PLEKHA5: variants seen among roughly 807,000 people sequenced by gnomAD.
PLEKHA5 encodes pleckstrin homology domain-containing family A member 5.
Under a neutral mutation model 181.9 loss-of-function variants are expected in PLEKHA5, and 55 were observed. That is an observed-to-expected ratio of 0.30 (90% confidence interval 0.24 to 0.38). The LOEUF (loss-of-function observed/expected upper bound fraction) is 0.38. Among genes scored for constraint, PLEKHA5 ranks in the 10% least tolerant of loss-of-function variants. The pLI is 1.00. For synonymous variants in PLEKHA5, 535 were observed against 529.4 expected, an observed-to-expected ratio of 1.01 and a Z score of -0.15; for missense variants, 1,432 against 1,549.5, an observed-to-expected ratio of 0.92 and a Z score of 1.27.
intron 3 of PLEKHA5, among the ~76,000 whole-genome samples, chr12:19,139,064 G>A (rs914303260): frequency 1.3e-5 from 2 of 151,536 alleles, no homozygotes; most frequent in Non-Finnish European, 2.9e-5. Flanking sequence ...CCATAATTGG[G>A]TAGTTACTTG....
intron 3 of PLEKHA5, among the ~76,000 whole-genome samples, chr12:19,242,097 A>G (rs1174460607): frequency 1.3e-5 from 2 of 152,338 alleles, no homozygotes; most frequent in South Asian, 2.1e-4. Context: ...TCTAAAATGT[A>G]ACTCTGCTGT....
At chr12:19,241,478 G>A (rs535456655) in intron 3 of PLEKHA5, among the ~76,000 whole-genome samples, 11 of 152,254 alleles carry the variant, frequency 7.2e-5, no homozygotes, top group Non-Finnish European at 1.6e-4. Context: ...AAAAATAGCT[G>A]GGTGTGATAG....
At chr12:19,190,294 T>C (rs1380701375) in intron 3 of PLEKHA5, among the ~76,000 whole-genome samples, 2 of 152,242 alleles carry the variant, frequency 1.3e-5, no homozygotes, top group Admixed American at 6.5e-5. Context: ...CTTGAAGCAT[T>C]GCAAACAAGT....
intron 3 of PLEKHA5, among the ~76,000 whole-genome samples, chr12:19,222,906 T>C (rs1182855138): frequency 6.6e-6 from 1 of 152,042 alleles, no homozygotes; most frequent in Admixed American, 6.6e-5. Flanking sequence ...ATTTTTGCAG[T>C]GAATCAGCTC....
At chr12:19,284,105 G>C (rs182582929) in intron 12 of PLEKHA5, among the ~76,000 whole-genome samples, 16 of 152,088 alleles carry the variant, frequency 1.1e-4, no homozygotes, top group Non-Finnish European at 2.2e-4. Flanking sequence ...GTCTCTCTCT[G>C]TTGCCCAGGC....
intron 3 of PLEKHA5, among the ~76,000 whole-genome samples, chr12:19,245,272 A>G (rs1264447491): frequency 3.3e-5 from 5 of 152,196 alleles, no homozygotes; most frequent in Non-Finnish European, 5.9e-5. Flanking sequence ...TTTCTTAGCT[A>G]ATAGCCTCTT....
intron 11 of PLEKHA5, among the ~76,000 whole-genome samples, chr12:19,276,578 C>T (rs551285754): frequency 6.6e-6 from 1 of 152,226 alleles, no homozygotes; most frequent in African/African-American, 2.4e-5. Flanking sequence ...GTAATCTCAG[C>T]TACTGGGGAG....
At chr12:19,367,521 C>T (rs1244200657) in intron 30 of PLEKHA5, among the ~76,000 whole-genome samples, 2 of 151,822 alleles carry the variant, frequency 1.3e-5, no homozygotes, top group Non-Finnish European at 2.9e-5. Flanking sequence ...TCCCAAAGTG[C>T]TAGGATTACA....
intron 3 of PLEKHA5, among the ~76,000 whole-genome samples, chr12:19,164,192 T>G (rs1462562253): frequency 2.8e-5 from 3 of 108,970 alleles, no homozygotes; most frequent in African/African-American, 9.9e-5. Flanking sequence ...TCTCCAGATG[T>G]TTTTGTTTTT....
chr12:19,220,973 A>G (rs1592110851), intron 3 of PLEKHA5, among the ~76,000 whole-genome samples: 1 of 152,190 alleles, frequency 6.6e-6, no homozygotes, highest in South Asian at 2.1e-4. Context: ...CTACACACCC[A>G]TTAAAATGGC....
At chr12:19,140,034 C>A (rs894402679) in intron 3 of PLEKHA5, among the ~76,000 whole-genome samples, 1 of 152,146 alleles carries the variant, frequency 6.6e-6, no homozygotes, top group African/African-American at 2.4e-5. Context: ...GCAAGGTCTT[C>A]CAATTAGTCA....
At chr12:19,163,160 G>T (rs1392137905) in intron 3 of PLEKHA5, among the ~76,000 whole-genome samples, 1 of 151,398 alleles carries the variant, frequency 6.6e-6, no homozygotes, top group Non-Finnish European at 1.5e-5. Flanking sequence ...AGTTAACCAG[G>T]ATCCAGAATT....
chr12:19,268,947 A>G (rs1441955048), intron 8 of PLEKHA5, among the ~76,000 whole-genome samples: 2 of 152,082 alleles, frequency 1.3e-5, no homozygotes, highest in Non-Finnish European at 2.9e-5. Context: ...GTAGATACCT[A>G]TAAAGGATTC....
chr12:19,287,415 C>A, intron 12 of PLEKHA5, 58 bp from the exon 13 acceptor site: 2 of 923,502 alleles, frequency 2.2e-6, no homozygotes, highest in Non-Finnish European at 3.5e-6. Flanking sequence ...TCCTTGCTGA[C>A]ATTGATAAGA....
intron 3 of PLEKHA5, among the ~76,000 whole-genome samples, chr12:19,204,268 A>T (rs2054871114): frequency 6.6e-6 from 1 of 152,072 alleles, no homozygotes; most frequent in African/African-American, 2.4e-5. Flanking sequence ...GGTACATTTA[A>T]AGATGGGTCA....
At chr12:19,325,025 A>G (rs2091763848) in intron 20 of PLEKHA5, among the ~76,000 whole-genome samples, 1 of 152,244 alleles carries the variant, frequency 6.6e-6, no homozygotes, top group Non-Finnish European at 1.5e-5. Context: ...AAATCTCATC[A>G]GTAGGTTTAG....
At chr12:19,177,444 A>G (rs1198007478) in intron 3 of PLEKHA5, among the ~76,000 whole-genome samples, 1 of 152,164 alleles carries the variant, frequency 6.6e-6, no homozygotes, top group East Asian at 1.9e-4. Context: ...ATTTCATTTG[A>G]TAGATAGGGA....
intron 22 of PLEKHA5, among the ~76,000 whole-genome samples, chr12:19,343,921 G>A (rs907247675): frequency 9.9e-5 from 15 of 151,944 alleles, no homozygotes; most frequent in Non-Finnish European, 2.1e-4. Context: ...GCATGGTGGC[G>A]CATGCCTGTA....
At chr12:19,276,485 G>A (rs1364444312) in intron 11 of PLEKHA5, among the ~76,000 whole-genome samples, 2 of 152,194 alleles carry the variant, frequency 1.3e-5, no homozygotes, top group Non-Finnish European at 2.9e-5. Context: ...GAGGCCAGGA[G>A]TTCGAGACCA....
Sources: allele counts gnomAD v4.1 joint callset (sites outside exome capture counted in the v4.1 genomes callset), GRCh38; gene constraint gnomAD v4.1.1; transcripts MANE v1.5; gene names NCBI Gene and HGNC (gene_info 2026-07-23, HGNC 2026-07-21).